IRX4: variants seen among roughly 807,000 people sequenced by gnomAD.
The protein encoded by IRX4 is iroquois-class homeodomain protein IRX-4.
In IRX4, 22 loss-of-function variants were observed where a neutral mutation model predicts 32.0. That is an observed-to-expected ratio of 0.69 (90% CI 0.49 to 0.98). IRX4 has a LOEUF of 0.98. Ranked by LOEUF, IRX4 falls within the 50% of genes least tolerant of loss-of-function variation. The probability of loss-of-function intolerance (pLI) is 0.00; values close to 1 mark genes in which losing one functional copy is unlikely to be tolerated. For synonymous variants in IRX4, 379 were observed against 351.7 expected (o/e 1.08, Z -0.87); for missense variants, 840 against 744.2 (o/e 1.13, Z -1.50).
intron 3 of IRX4, 133 bp from the exon 4 acceptor site, chr5:1,879,965 C>G (rs1454481874): frequency 1.3e-6 from 2 of 1,507,256 alleles, no homozygotes; most frequent in Non-Finnish European, 1.8e-6. Context: ...TGGTCATGGT[C>G]ATAAGGCCCA....
At chr5:1,880,887 C>T (rs1443301400) in intron 2 of IRX4, 53 bp from the exon 3 acceptor site, 1 of 1,346,458 alleles carries the variant, frequency 7.4e-7, no homozygotes, top group African/African-American at 1.4e-5. Context: ...AACCCCACTC[C>T]AGCCTCTCTC....
chr5:1,883,378 C>T (rs992484984), upstream of IRX4, among the ~76,000 whole-genome samples: 1 of 152,230 alleles, frequency 6.6e-6, no homozygotes, highest in African/African-American at 2.4e-5. Context: ...GCGCGCTCTG[C>T]TCCGAGTGGC....
rs770338530 is a variant in IRX4 at position 1,879,714 on chromosome 5, T to G, written c.526A>C (p.Ile176Leu). ...KNPYPTKGEK[I>L]MLAIITKMTL... is the part of the protein sequence containing the mutation. The stretch of plus-strand genomic sequence containing the variant: ...ATCTTGGTGATGATGGCCAGCATGA[T>G]CTTCTCGCCCTTGGTGGGGTAGGGG... Residue 176 changes from isoleucine to leucine, a missense_variant, in exon 4 of 5, where the codon ATC (isoleucine) becomes CTC (leucine). Around this residue, in one of 3 missense-constraint regions of IRX4, gnomAD observed 14 missense variants for 35.4 expected, o/e 0.40. Coordinates refer to ENST00000231357, the MANE Select transcript of IRX4 (RefSeq NM_016358.3). The G allele has an allele frequency of 6.2e-7, 1 of 1,614,226 alleles. No individual in the cohort carries two copies. Among genetic ancestry groups the G allele is most frequent in the South Asian group, 1.1e-5 (1 of 91,090 alleles).
At position 1,882,636 on chromosome 5, in the gene IRX4, C is replaced by T. The variant is rs1206957767; in HGVS notation, c.12G>A (p.Pro4=). 13 of 1,415,548 alleles carry T rather than the reference C, an allele frequency of 9.2e-6. No individual in the cohort carries two copies. The highest frequency in any genetic ancestry group is 1.0e-5 in the Non-Finnish European group (11 of 1,086,418). The allele number at this position is 1,415,548 out of a possible 1,614,324, so 87.7% of individuals were successfully genotyped here. A position where few individuals can be genotyped will look rare whatever the true frequency, so the allele number is the denominator to read the frequency against. ...CCGAGGAGTAGGGGTATCCAAACTG[C>T]GGGTAGGACATGGCGGGCGCGGCCC... MSY[P]QFGYPYSSAP... is the part of the protein sequence containing the mutation. The change falls in exon 1 of 5, where the codon CCG becomes CCA. Residue 4 remains proline (P), a synonymous_variant. Coordinates refer to ENST00000231357, the MANE Select transcript of IRX4 (RefSeq NM_016358.3).
rs1190519684 is a variant in IRX4 at position 1,878,463 on chromosome 5, C to T, written c.1066G>A (p.Ala356Thr). 3.2e-5 allele frequency: 46 copies of T among 1,452,836 alleles called. No homozygotes were observed. The highest frequency in any genetic ancestry group is 4.1e-5 in the Non-Finnish European group (46 of 1,108,634). The allele number at this position is 1,452,836 out of a possible 1,614,324, so 90.0% of individuals were successfully genotyped here. ...GCCTCCAGGCCTGCCGACGCCCCCG[C>T]CGGCACAAACCCCAGCTTGGCCTCG... is the stretch of plus-strand genomic sequence containing the variant. The part of the protein sequence containing the change: ...VCEAKLGFVP[A>T]GASAGLEAKP... Residue 356 changes from alanine to threonine, a missense_variant, in exon 5 of 5, where the codon GCG (alanine) becomes ACG (threonine). Physicochemically the swap from Ala to Thr is moderately conservative, Grantham distance 58 (BLOSUM62 0). Coordinates refer to ENST00000231357, the MANE Select transcript of IRX4 (RefSeq NM_016358.3).
chr5:1,886,037 G>A (rs539740200), upstream of IRX4, among the ~76,000 whole-genome samples: 2 of 152,384 alleles, frequency 1.3e-5, no homozygotes, highest in Admixed American at 6.5e-5. Flanking sequence ...GCGCTCCGAA[G>A]AGCGGAGGAC....
chr5:1,878,568 C>G lies in IRX4; in HGVS notation c.961G>C (p.Glu321Gln). The G allele has an allele frequency of 1.3e-6, 2 of 1,546,198 alleles. No homozygotes were observed. Among genetic ancestry groups the G allele is most frequent in the Non-Finnish European group, 1.7e-6 (2 of 1,146,774 alleles). Reference protein sequence around the residue: ...GGGAALDEDLERARSCLRSAA... With the variant: ...GGGAALDEDLQRARSCLRSAA... ...CTGCGGAGACAGCTCCGGGCCCTCT[C>G]CAGGTCCTCGTCCAGAGCAGCTCCG... The change falls in exon 5 of 5, where the codon GAG becomes CAG. Residue 321 changes from glutamate to glutamine, a missense_variant. Glu to Gln is a conservative substitution (Grantham distance 29, BLOSUM62 2). This residue lies in a region of IRX4 where 585 missense variants were observed against 488.0 expected (regional missense o/e 1.20). Coordinates refer to ENST00000231357, the MANE Select transcript of IRX4 (RefSeq NM_016358.3).
intron 3 of IRX4, chr5:1,880,103 G>T: frequency 6.5e-7 from 1 of 1,535,686 alleles, no homozygotes; most frequent in Non-Finnish European, 8.7e-7. Context: ...GAGAGGTCCA[G>T]GCCAATTCCT....
chr5:1,885,036 G>T (rs1338172601), upstream of IRX4, among the ~76,000 whole-genome samples: 5 of 152,244 alleles, frequency 3.3e-5, no homozygotes, highest in African/African-American at 1.2e-4. Flanking sequence ...TTCAGCTGTG[G>T]CTTGTCCTTT....
intron 3 of IRX4, 145 bp from the exon 4 acceptor site, chr5:1,879,977 G>A (rs1450969785): frequency 1.1e-5 from 16 of 1,500,098 alleles, no homozygotes; most frequent in African/African-American, 1.4e-5. Context: ...TAAGGCCCAG[G>A]TAGGACCCGA....
Position 1,882,878 on chromosome 5 carries a change from C to T in IRX4, c.-231G>A. The T allele has an allele frequency of 5.3e-6, 2 of 380,596 alleles. No individual in the cohort carries two copies. The highest frequency in any genetic ancestry group is 9.3e-6 in the Non-Finnish European group (2 of 214,682). 23.6% of individuals were successfully genotyped at this position (380,596 alleles called of 1,614,324 possible). A position where few individuals can be genotyped will look rare whatever the true frequency, so the allele number is the denominator to read the frequency against. Reference sequence around the variant, plus strand: ...TTCGCATTCCGGAGGCTCGAGGGGGCTCTGGGACCGAGCGGCCTCGCAGCG... The same window carrying T: ...TTCGCATTCCGGAGGCTCGAGGGGGTTCTGGGACCGAGCGGCCTCGCAGCG... On this transcript the variant is annotated 5_prime_UTR_variant, in exon 1 of 5. Coordinates refer to ENST00000231357, the MANE Select transcript of IRX4 (RefSeq NM_016358.3).
chr5:1,878,562 C>CCCTCTCCAGGT lies in IRX4; in HGVS notation c.956_966dup (p.Ala323ThrfsTer67). 1 of 1,542,328 alleles carries CCCTCTCCAGGT rather than the reference C, an allele frequency of 6.5e-7. No homozygotes were observed. Among genetic ancestry groups the CCCTCTCCAGGT allele is most frequent in the Non-Finnish European group, 8.7e-7 (1 of 1,145,308 alleles). On this transcript the variant is annotated frameshift_variant, in exon 5 of 5. Transcript: ENST00000231357. LOFTEE classifies it low-confidence loss of function (END_TRUNC). ...GCCGCGCTGCGGAGACAGCTCCGGGCCCTCTCCAGGTCCTCGTCCAGAGCA... is the reference window on the plus strand; with the variant it reads ...GCCGCGCTGCGGAGACAGCTCCGGGCCCTCTCCAGGTCCTCTCCAGGTCCTCGTCCAGAGCA...
In IRX4 at chr5:1,878,493, C is replaced by G; in HGVS notation, c.1036G>C (p.Val346Leu). 1 of 1,441,178 alleles carries G rather than the reference C, an allele frequency of 6.9e-7. No homozygotes were observed. The highest frequency in any genetic ancestry group is 2.6e-5 in the East Asian group (1 of 37,954). The allele number at this position is 1,441,178 out of a possible 1,614,324, so 89.3% of individuals were successfully genotyped here. The change falls in exon 5 of 5, where the codon GTC becomes CTC. Residue 346 changes from valine (V) to leucine (L), a missense_variant. Val to Leu is a conservative substitution (Grantham distance 32, BLOSUM62 1). Transcript: ENST00000231357. ...ACAAACCCCAGCTTGGCCTCGCAGA[C>G]CTGAGGGCCGCCCTCTGCGCCCGGC... ...PLPGAEGGPQ[V>L]CEAKLGFVPA...
upstream of IRX4, among the ~76,000 whole-genome samples, chr5:1,883,793 C>A (rs113210177): frequency 0.13 from 19,760 of 152,280 alleles, 1,410 homozygotes; most frequent in Non-Finnish European, 0.16. Context: ...CGGCTTCCCC[C>A]TGCCCCTCGC....
In IRX4 at chr5:1,877,689, T is replaced by G; in HGVS notation, c.*280A>C. ...CCATGTAAACTTTTGACGTAAACTT[T>G]ATGCTTCAGGGTATCTGGCCTCTTC... On this transcript the variant is annotated 3_prime_UTR_variant, in exon 5 of 5. Transcript: ENST00000231357. 4.4e-6 allele frequency: 2 copies of G among 453,150 alleles called. No homozygotes were observed. Among genetic ancestry groups the G allele is most frequent in the Non-Finnish European group, 7.7e-6 (2 of 259,062 alleles). The allele number at this position is 453,150 out of a possible 1,614,324, so 28.1% of individuals were successfully genotyped here.
intron 3 of IRX4, chr5:1,880,201 G>A (rs1455046933): frequency 3.0e-5 from 41 of 1,366,102 alleles, no homozygotes; most frequent in Non-Finnish European, 3.8e-5. Context: ...TAACACGTGT[G>A]GCAGGAAGGG....
Position 1,877,827 on chromosome 5 carries a change from G to A in IRX4, c.*142C>T. On this transcript the variant is annotated 3_prime_UTR_variant, in exon 5 of 5. Transcript: ENST00000231357. ...GCGCCGGGCTTGTCCATGTTCCCAG[G>A]AGTCCAAGTTCAGAAGCCCCCTCTC... The A allele has an allele frequency of 1.3e-6, 1 of 764,580 alleles. No individual in the cohort carries two copies. Among genetic ancestry groups the A allele is most frequent in the South Asian group, 1.9e-5 (1 of 53,516 alleles). The allele number at this position is 764,580 out of a possible 1,614,324, so 47.4% of individuals were successfully genotyped here.
chr5:1,881,724 G>A lies in IRX4; in HGVS notation c.297+84C>T, dbSNP rs745971495. ...CCCCTCTGTGACAGTCCGGGGACCC[G>A]GACTGGCGCGCCTACTGGGGCAAAA... On this transcript the variant is annotated intron_variant, in intron 2 of 4. Transcript: ENST00000231357. 823 of 1,510,234 alleles carry A rather than the reference G, an allele frequency of 5.4e-4. 1 individual carries two copies. The highest frequency in any genetic ancestry group is 2.5e-3 in the South Asian group (203 of 82,852). The allele number at this position is 1,510,234 out of a possible 1,614,324, so 93.6% of individuals were successfully genotyped here.
chr5:1,879,779 G>A lies in IRX4; in HGVS notation c.461C>T (p.Thr154Ile), dbSNP rs761605033. ...CTGCAGCCAGGCCTTGAGCGTGCTG[G>A]TGGTCTCGCGCGTGGCGTTCTTGCG... ...TRRKNATRET[T>I]STLKAWLQEH... The change falls in exon 4 of 5, where the codon ACC becomes ATC. Residue 154 changes from threonine (T) to isoleucine (I), a missense_variant. By Grantham distance (89) the Thr-to-Ile change is moderately conservative (BLOSUM62 -1). Coordinates refer to ENST00000231357, the MANE Select transcript of IRX4 (RefSeq NM_016358.3). 62 of 1,614,054 alleles carry A rather than the reference G, an allele frequency of 3.8e-5. No homozygotes were observed. Among genetic ancestry groups the A allele is most frequent in the Non-Finnish European group, 4.2e-6 (5 of 1,180,048 alleles).
Sources: gnomAD v4.1 joint callset for allele counts (sites outside exome capture counted in the v4.1 genomes callset) on GRCh38, gnomAD v4.1.1 for gene constraint, gnomAD v4.1.1 regional missense constraint, MANE v1.5 for transcripts, NCBI Gene and HGNC (gene_info 2026-07-23, HGNC 2026-07-21) for gene names.